The following ADGRB3 variants were observed in gnomAD, a reference collection of about 807,000 sequenced individuals.
ADGRB3 encodes the protein brain-specific angiogenesis inhibitor 3.
A neutral mutation model predicts 193.4 loss-of-function variants in ADGRB3; 37 were observed. That is an observed-to-expected ratio of 0.19 (90% CI 0.15 to 0.25). The LOEUF (loss-of-function observed/expected upper bound fraction) is 0.25, where lower values mean the gene tolerates loss of function less well. Ranked by LOEUF, ADGRB3 falls within the 10% of genes least tolerant of loss-of-function variation. ADGRB3 has a pLI of 1.00. For missense variants in ADGRB3, 1,637 were observed against 1,852.9 expected, an observed-to-expected ratio of 0.88 and a Z score of 2.14; for synonymous variants, 690 against 644.2, an observed-to-expected ratio of 1.07 and a Z score of -1.08.
chr6:69,233,559 T>G, intron 18 of ADGRB3, 143 bp downstream of exon 18: 7 of 1,039,150 alleles, frequency 6.7e-6, no homozygotes, highest in African/African-American at 1.6e-5. Flanking sequence ...TTAGCTATAG[T>G]AGCTTGGTGG....
At chr6:69,282,091 G>C (rs1561975814) in intron 20 of ADGRB3, among the ~76,000 whole-genome samples, 1 of 152,140 alleles carries the variant, frequency 6.6e-6, no homozygotes, top group South Asian at 2.1e-4. Context: ...ATGAAAAGGT[G>C]TTCCCCTCCC....
intron 15 of ADGRB3, among the ~76,000 whole-genome samples, chr6:69,050,287 C>G (rs1213847803): frequency 1.3e-5 from 2 of 152,088 alleles, no homozygotes; most frequent in Non-Finnish European, 2.9e-5. Context: ...GAAAATCTTT[C>G]TACGTGAAGC....
rs551783174 is a variant in ADGRB3, at chr6:68,988,597, C to A, written c.1735-5171C>A. Among the ~76,000 whole-genome samples, 35 of 152,092 alleles carry A rather than the reference C, an allele frequency of 2.3e-4. No individual in the cohort carries two copies. In the Middle Eastern group the frequency reaches 0.01, roughly 44 times the overall value. On this transcript the variant is annotated intron_variant, in intron 10 of 31. Coordinates refer to ENST00000370598, the MANE Select transcript of ADGRB3 (RefSeq NM_001704.3). ...TTATAGCTTCTCTCAAAAGAAAGACCTAGGAATCCTTAGGTATTGGAAATT... is the reference window on the plus strand; with the variant it reads ...TTATAGCTTCTCTCAAAAGAAAGACATAGGAATCCTTAGGTATTGGAAATT...
chr6:68,695,589 A>T (rs974209848), intron 3 of ADGRB3, among the ~76,000 whole-genome samples: 1 of 151,902 alleles, frequency 6.6e-6, no homozygotes, highest in Non-Finnish European at 1.5e-5. Context: ...GGCCCCCTGG[A>T]TTGTGTGACA....
chr6:68,783,323 A>T (rs1000038568), intron 3 of ADGRB3, among the ~76,000 whole-genome samples: 8 of 146,890 alleles, frequency 5.4e-5, no homozygotes, highest in Non-Finnish European at 1.0e-4. Context: ...ACATATATAT[A>T]ATATATATAT....
At chr6:68,946,736 A>G (rs1274178500) in intron 6 of ADGRB3, among the ~76,000 whole-genome samples, 6 of 152,128 alleles carry the variant, frequency 3.9e-5, no homozygotes, top group African/African-American at 1.4e-4. Flanking sequence ...GGCTGTGGTA[A>G]TAATGGGCAG....
At chr6:69,315,383 T>C (rs1768289156) in intron 20 of ADGRB3, among the ~76,000 whole-genome samples, 1 of 151,582 alleles carries the variant, frequency 6.6e-6, no homozygotes, top group Admixed American at 6.6e-5. Context: ...TCTCATCATG[T>C]TTTAAGATGC....
At chr6:68,945,610 A>G (rs867567710) in intron 6 of ADGRB3, among the ~76,000 whole-genome samples, 1 of 152,170 alleles carries the variant, frequency 6.6e-6, no homozygotes, top group Admixed American at 6.6e-5. Context: ...GAGAAATAAA[A>G]GACAAGAACT....
intron 26 of ADGRB3, among the ~76,000 whole-genome samples, 188 bp from the exon 27 acceptor site, chr6:69,354,045 A>G (rs1769283900): frequency 6.6e-6 from 1 of 152,210 alleles, no homozygotes; most frequent in African/African-American, 2.4e-5. Flanking sequence ...CCTGGGCAAC[A>G]AGAGTGAAAT....
At chr6:69,363,177 A>G (rs1769489395) in intron 29 of ADGRB3, among the ~76,000 whole-genome samples, 1 of 151,954 alleles carries the variant, frequency 6.6e-6, no homozygotes, top group African/African-American at 2.4e-5. Context: ...CCGTATCCTT[A>G]TTATTAAGTG....
At chr6:69,253,446 G>T (rs759386697) in intron 20 of ADGRB3, among the ~76,000 whole-genome samples, 2 of 151,958 alleles carry the variant, frequency 1.3e-5, no homozygotes, top group Non-Finnish European at 2.9e-5. Flanking sequence ...TCATCTAATG[G>T]CAATGGGTAT....
intron 17 of ADGRB3, among the ~76,000 whole-genome samples, chr6:69,103,947 A>G (rs1010793632): frequency 6.6e-6 from 1 of 152,118 alleles, no homozygotes; most frequent in Non-Finnish European, 1.5e-5. Flanking sequence ...TTTAAATTAT[A>G]CATTAATATT....
chr6:69,266,926 A>C (rs1057127285), intron 20 of ADGRB3, among the ~76,000 whole-genome samples: 3 of 152,224 alleles, frequency 2.0e-5, no homozygotes, highest in Admixed American at 6.5e-5. Flanking sequence ...GGGTGATACC[A>C]GTCTAAGGTT....
chr6:69,027,963 T>C (rs1284570491), intron 13 of ADGRB3, among the ~76,000 whole-genome samples: 1 of 152,220 alleles, frequency 6.6e-6, no homozygotes, highest in Admixed American at 6.5e-5. Flanking sequence ...CAGTCTTATT[T>C]TGGCTTTTTA....
At chr6:68,657,314 G>A (rs973775825) in intron 3 of ADGRB3, among the ~76,000 whole-genome samples, 4 of 151,350 alleles carry the variant, frequency 2.6e-5, no homozygotes, top group Non-Finnish European at 5.9e-5. Flanking sequence ...GGGGGCAAAG[G>A]CTATATATAA....
chr6:69,135,669 A>G (rs1270012448), intron 17 of ADGRB3, among the ~76,000 whole-genome samples: 1 of 152,096 alleles, frequency 6.6e-6, no homozygotes, highest in Non-Finnish European at 1.5e-5. Context: ...TCTAAATCAT[A>G]CCAAAGGACC....
At chr6:69,052,100 G>A (rs1771415264) in intron 15 of ADGRB3, among the ~76,000 whole-genome samples, 1 of 152,138 alleles carries the variant, frequency 6.6e-6, no homozygotes, top group South Asian at 2.1e-4. Flanking sequence ...ATGTTAGCCA[G>A]GATGGCCTTG....
chr6:69,063,207 T>G lies in ADGRB3; in HGVS notation c.2436+171T>G, dbSNP rs187679385. ...AACAGAATGATTATTCTATGCTTTT[T>G]TCATGATAAAATTCTCTTCAATTTA... is the stretch of plus-strand genomic sequence containing the variant. On this transcript the variant is annotated intron_variant, in intron 16 of 31. Transcript: ENST00000370598. 2.9e-4 allele frequency among the ~76,000 whole-genome samples: 44 copies of G among 152,164 alleles called. 1 individual carries two copies. In the East Asian group the frequency reaches 8.1e-3, roughly 28 times the overall value.
intron 13 of ADGRB3, among the ~76,000 whole-genome samples, chr6:69,035,783 T>C (rs1325316658): frequency 6.6e-6 from 1 of 152,148 alleles, no homozygotes; most frequent in Non-Finnish European, 1.5e-5. Flanking sequence ...CTTTAAGCTA[T>C]GTTTTAGAAG....
Sources: allele counts gnomAD v4.1 joint callset (sites outside exome capture counted in the v4.1 genomes callset), GRCh38; gene constraint gnomAD v4.1.1; transcripts MANE v1.5; gene names NCBI Gene and HGNC (gene_info 2026-07-23, HGNC 2026-07-21).